Variants in EML6 observed in about 807,000 individuals in gnomAD.
EML6 encodes EMAP like 6, also known as echinoderm microtubule-associated protein-like 6.
A neutral mutation model predicts 240.1 loss-of-function variants in EML6; 154 were observed. That is an observed-to-expected ratio of 0.64 (90% CI 0.56 to 0.73). EML6 has a LOEUF of 0.73. Among genes scored for constraint, EML6 ranks in the 30% least tolerant of loss-of-function variants. The pLI is 0.00. For missense variants in EML6, 2,964 were observed against 2,474.6 expected (o/e 1.20, Z -4.20); for synonymous variants, 1,148 against 899.0 (o/e 1.28, Z -4.95).
chr2:54,910,134 T>G (rs888695968), intron 24 of EML6, among the ~76,000 whole-genome samples: 2 of 152,156 alleles, frequency 1.3e-5, no homozygotes, highest in Non-Finnish European at 2.9e-5. Context: ...GGGTTGGCCA[T>G]GTGTTAATAG....
chr2:54,743,577 T>G (rs1192574566), intron 2 of EML6, among the ~76,000 whole-genome samples: 2 of 152,188 alleles, frequency 1.3e-5, no homozygotes, highest in South Asian at 4.1e-4. Flanking sequence ...GTTCTTTCTA[T>G]TACATGGGAA....
chr2:54,822,390 A>G (rs981258534), intron 5 of EML6, among the ~76,000 whole-genome samples: 1 of 152,306 alleles, frequency 6.6e-6, no homozygotes, highest in African/African-American at 2.4e-5. Flanking sequence ...CTTAGAATCT[A>G]TCCCAAGCAA....
At chr2:54,954,610 T>G (rs1300355708) in intron 32 of EML6, among the ~76,000 whole-genome samples, 1 of 152,230 alleles carries the variant, frequency 6.6e-6, no homozygotes, top group East Asian at 1.9e-4. Flanking sequence ...TTAAATTTTT[T>G]TTTTAACATT....
chr2:54,851,980 C>T (rs1406367218), intron 10 of EML6, among the ~76,000 whole-genome samples: 1 of 152,122 alleles, frequency 6.6e-6, no homozygotes, highest in African/African-American at 2.4e-5. Context: ...AAAGAATAGT[C>T]TATTGAAATT....
chr2:54,903,697 G>A (rs1163598502), intron 24 of EML6, among the ~76,000 whole-genome samples, 195 bp downstream of exon 24: 1 of 152,146 alleles, frequency 6.6e-6, no homozygotes, highest in Non-Finnish European at 1.5e-5. Flanking sequence ...ATCTTTTTAC[G>A]CTTAGGATGA....
At chr2:54,839,912 A>G (rs1019825901) in intron 7 of EML6, among the ~76,000 whole-genome samples, 5 of 152,240 alleles carry the variant, frequency 3.3e-5, no homozygotes, top group African/African-American at 1.2e-4. Flanking sequence ...ATATATAGAT[A>G]TATATTTAAT....
chr2:54,809,071 A>G (rs1464734310), intron 2 of EML6, among the ~76,000 whole-genome samples: 3 of 152,230 alleles, frequency 2.0e-5, no homozygotes, highest in Non-Finnish European at 4.4e-5. Context: ...CAGTCACACC[A>G]AAACTTTTTA....
At chr2:54,822,092 C>A (rs186111235) in intron 5 of EML6, among the ~76,000 whole-genome samples, 170 of 152,036 alleles carry the variant, frequency 1.1e-3, no homozygotes, top group Middle Eastern at 3.4e-3. Context: ...CTTGCAAATC[C>A]GTAGAATGGA....
At chr2:54,927,587 A>G (rs1674622509) in intron 26 of EML6, among the ~76,000 whole-genome samples, 1 of 152,190 alleles carries the variant, frequency 6.6e-6, no homozygotes. Context: ...TTCTGGTGCC[A>G]GCTTTGATTT....
At chr2:54,863,655 T>C in intron 12 of EML6, 128 bp from the exon 13 acceptor site, 1 of 652,336 alleles carries the variant, frequency 1.5e-6, no homozygotes, top group Non-Finnish European at 2.7e-6. Flanking sequence ...TAACAATTTA[T>C]ATTAAATGAA....
chr2:54,857,737 C>A (rs1011021807), intron 11 of EML6, among the ~76,000 whole-genome samples: 1 of 152,052 alleles, frequency 6.6e-6, no homozygotes, highest in Non-Finnish European at 1.5e-5. Context: ...GTTCAGATAT[C>A]TAGGGAGAGA....
intron 2 of EML6, among the ~76,000 whole-genome samples, chr2:54,792,019 A>G (rs1321914646): frequency 6.6e-6 from 1 of 152,236 alleles, no homozygotes; most frequent in Non-Finnish European, 1.5e-5. Context: ...AAGCTTCCGC[A>G]TAAGCAGACA....
intron 2 of EML6, among the ~76,000 whole-genome samples, chr2:54,729,821 G>A (rs926526291): frequency 6.6e-6 from 1 of 152,180 alleles, no homozygotes; most frequent in African/African-American, 2.4e-5. Context: ...TTAGAATTCT[G>A]CCTGGAAATG....
intron 34 of EML6, 101 bp downstream of exon 34, chr2:54,959,362 T>C (rs1417572652): frequency 8.5e-7 from 1 of 1,177,398 alleles, no homozygotes; most frequent in Non-Finnish European, 1.2e-6. Flanking sequence ...ACTGTCATCC[T>C]CCTATCTTTT....
intron 7 of EML6, among the ~76,000 whole-genome samples, chr2:54,843,509 G>A (rs886147888): frequency 1.3e-5 from 2 of 152,118 alleles, no homozygotes; most frequent in Non-Finnish European, 2.9e-5. Context: ...TTGCAAACTA[G>A]ATTACAAGGG....
chr2:54,804,925 C>G (rs1457098255), intron 2 of EML6, among the ~76,000 whole-genome samples: 1 of 152,142 alleles, frequency 6.6e-6, no homozygotes, highest in African/African-American at 2.4e-5. Context: ...CTTCTCCTCC[C>G]TGAGGGTTAT....
rs1412570711 is a variant in EML6, at chr2:54,844,027, G to A, written c.848-20G>A. On this transcript the variant is annotated intron_variant, in intron 7 of 41. Transcript: ENST00000356458. ...GTGAATAGTGTGAAGATTTGCTTTT[G>A]TTTTACTTATTTTTGTCAGGCCTCT... The A allele has an allele frequency of 1.4e-6, 2 of 1,397,814 alleles. No individual in the cohort carries two copies. Among genetic ancestry groups the A allele is most frequent in the Non-Finnish European group, 9.8e-7 (1 of 1,024,744 alleles). The allele number at this position is 1,397,814 out of a possible 1,614,324, so 86.6% of individuals were successfully genotyped here. A position where few individuals can be genotyped will look rare whatever the true frequency, so the allele number is the denominator to read the frequency against.
chr2:54,969,976 C>T, intron 41 of EML6, 95 bp from the exon 42 acceptor site: 1 of 1,332,064 alleles, frequency 7.5e-7, no homozygotes, highest in South Asian at 1.3e-5. Context: ...ATCACCCGAG[C>T]TTGACTTTTG....
At chr2:54,797,166 A>AAAAAAAAAAAAAAAAAAAACAAC (rs1669836959) in intron 2 of EML6, among the ~76,000 whole-genome samples, 1 of 100,402 alleles carries the variant, frequency 1.0e-5, no homozygotes, top group East Asian at 4.0e-4. Context: ...CTCCATCTCA[A>AAAAAAAAAAAAAAAAAAAACAAC]AAAAAAAAAA....
Sources: allele counts gnomAD v4.1 joint callset (sites outside exome capture counted in the v4.1 genomes callset), GRCh38; gene constraint gnomAD v4.1.1; transcripts MANE v1.5; gene names NCBI Gene and HGNC (gene_info 2026-07-23, HGNC 2026-07-21).